TAF1L: variants seen among roughly 807,000 people sequenced by gnomAD.
TAF1L encodes the protein TATA-box binding protein associated factor 1 like.
TAF1L carries 30 observed loss-of-function variants against 128.8 expected under a neutral mutation model. The ratio of observed to expected loss-of-function variants is 0.23; its 90% CI spans 0.17 to 0.32. TAF1L has a LOEUF of 0.32. Among genes scored for constraint, TAF1L ranks in the 10% least tolerant of loss-of-function variants. The pLI is 1.00. For synonymous variants in TAF1L, 764 were observed against 790.7 expected (o/e 0.97, Z 0.57); for missense variants, 2,099 against 2,253.7 (o/e 0.93, Z 1.39).
chr9:32,635,002 G>A lies in TAF1L; in HGVS notation c.578C>T (p.Ser193Phe). The change falls in exon 1 of 1, where the codon TCC becomes TTC. Residue 193 changes from serine (S) to phenylalanine (F), a missense_variant. Transcript: ENST00000242310. ...ATCCACTTTCTCTGAGGCCAAAAAGGAAGGGGCAATGATGGAGGGCAAGAT... is the reference window on the plus strand; with the variant it reads ...ATCCACTTTCTCTGAGGCCAAAAAGAAAGGGGCAATGATGGAGGGCAAGAT... ...DIILPSIIAP[S>F]FLASEKVDFS... is the part of the protein sequence containing the mutation. 1.2e-6 allele frequency: 2 copies of A among 1,614,066 alleles called. No individual in the cohort carries two copies. Among genetic ancestry groups the A allele is most frequent in the Non-Finnish European group, 1.7e-6 (2 of 1,180,026 alleles).
rs774087341 is a variant in TAF1L at position 32,633,906 on chromosome 9, T to C, written c.1674A>G (p.Arg558=). 5.0e-6 allele frequency: 8 copies of C among 1,614,180 alleles called. No individual in the cohort carries two copies. The South Asian group carries it at 8.8e-5, about 18-fold the overall frequency. Residue 558 remains arginine (R), a synonymous_variant, in exon 1 of 1, where the codon CGA becomes CGG. Coordinates refer to ENST00000242310, the MANE Select transcript of TAF1L (RefSeq NM_153809.2). Reference sequence around the variant, plus strand: ...TGACACCTGTTTTGCCCAAGAGAATTCGACTCTTCTTCAGAGATGATTCCT... The same window carrying C: ...TGACACCTGTTTTGCCCAAGAGAATCCGACTCTTCTTCAGAGATGATTCCT... The part of the protein sequence containing the change: ...SKKESSLKKS[R]ILLGKTGVIR...
chr9:32,633,692 T>C lies in TAF1L; in HGVS notation c.1888A>G (p.Lys630Glu). The C allele has an allele frequency of 6.2e-7, 1 of 1,614,216 alleles. No homozygotes were observed. ...PFFPTHMGPIKIRQFHRPPLK... is the reference protein window; with the variant it reads ...PFFPTHMGPIEIRQFHRPPLK... ...GGTGGGCGATGGAACTGCCGGATTT[T>C]GATGGGCCCCATGTGGGTGGGAAAG... Residue 630 changes from lysine (K) to glutamate (E), a missense_variant, in exon 1 of 1, where the codon AAA (lysine) becomes GAA (glutamate). Transcript: ENST00000242310.
At position 32,629,617 on chromosome 9, in the gene TAF1L, TCCAG is replaced by T. The variant is rs539935108; in HGVS notation, c.*478_*481del. On this transcript the variant is annotated 3_prime_UTR_variant, in exon 1 of 1. Transcript: ENST00000242310. ...TCCCAGCAGGAGGGCTCTCATCTGT[TCCAG>T]CCTGTAAATTAGAAAAGTGAGATGA... is the stretch of plus-strand genomic sequence containing the variant. The T allele has an allele frequency of 4.1e-4, 87 of 211,788 alleles. 1 individual carries two copies. In the South Asian group the frequency reaches 7.1e-3, roughly 17 times the overall value. The allele number at this position is 211,788 out of a possible 1,614,324, so 13.1% of individuals were successfully genotyped here.
rs1455841353 is a variant in TAF1L, at chr9:32,632,928, C to T, written c.2652G>A (p.Lys884=). 5.0e-6 allele frequency: 8 copies of T among 1,614,122 alleles called. No homozygotes were observed. Among genetic ancestry groups the T allele is most frequent in the Admixed American group, 1.7e-5 (1 of 60,012 alleles). ...TGMDSNWWVL[K]SDFRLPTEEE... ...CTTCCGTTGGTAAACGAAAATCAGA[C>T]TTAAGCACCCACCAGTTTGAATCCA... Residue 884 remains lysine, a synonymous_variant, in exon 1 of 1, where the codon AAG becomes AAA. Transcript: ENST00000242310. This position sits in a 1 kb window ranked among gnomAD's most constrained non-coding sequence, Gnocchi z 4.4.
chr9:32,631,990 T>A lies in TAF1L; in HGVS notation c.3590A>T (p.Glu1197Val), dbSNP rs771914740. The change falls in exon 1 of 1, where the codon GAG becomes GTG. Residue 1197 changes from glutamate to valine, a missense_variant. By Grantham distance (121) the Glu-to-Val change is moderately radical (BLOSUM62 -2). Coordinates refer to ENST00000242310, the MANE Select transcript of TAF1L (RefSeq NM_153809.2). The surrounding 1 kb of genome is among the most constrained non-coding windows in gnomAD (Gnocchi z 4.1). ...TCGGACTGTCTCACAGCGAACATAC[T>A]CTTTCCCCTCTTCATCTCGAAATGT... ...YRTFRDEEGK[E>V]YVRCETVRKP... The A allele has an allele frequency of 5.0e-6, 8 of 1,614,114 alleles. No homozygotes were observed. The African/African-American group carries it at 1.1e-4, about 22-fold the overall frequency.
rs1564010644 is a variant in TAF1L, at chr9:32,630,435, G to A, written c.5145C>T (p.Asp1715=). ...CATACCCTTCAACATCCACATCAGA[G>A]TCTTCCTCACCCAGCCTACCTTGGC... ...CQGQGRLGEE[D]SDVDVEGYDD... is the part of the protein sequence containing the mutation. Residue 1715 remains aspartate, a synonymous_variant, in exon 1 of 1, where the codon GAC becomes GAT. Coordinates refer to ENST00000242310, the MANE Select transcript of TAF1L (RefSeq NM_153809.2). 5 of 1,614,146 alleles carry A rather than the reference G, an allele frequency of 3.1e-6. No homozygotes were observed. Among genetic ancestry groups the A allele is most frequent in the African/African-American group, 2.7e-5 (2 of 75,032 alleles).
chr9:32,634,945 A>G lies in TAF1L; in HGVS notation c.635T>C (p.Met212Thr). 1 of 1,614,166 alleles carries G rather than the reference A, an allele frequency of 6.2e-7. No individual in the cohort carries two copies. Among genetic ancestry groups the G allele is most frequent in the Non-Finnish European group, 8.5e-7 (1 of 1,180,030 alleles). ...TGCCTGTGTTGCTTCCTGAGGTCCC[A>G]TCTCAGATTCTGAATCAGAGTAACT... Reference protein sequence around the residue: ...FSSYSDSESEMGPQEATQAES... With the variant: ...FSSYSDSESETGPQEATQAES... The change falls in exon 1 of 1, where the codon ATG becomes ACG. Residue 212 changes from methionine (M) to threonine (T), a missense_variant. Physicochemically the swap from Met to Thr is moderately conservative, Grantham distance 81 (BLOSUM62 -1). This residue lies in a region of TAF1L where 473 missense variants were observed against 429.6 expected (regional missense o/e 1.10). Transcript: ENST00000242310.
At position 32,633,994 on chromosome 9, in the gene TAF1L, A is replaced by G; in HGVS notation, c.1586T>C (p.Ile529Thr). ...LALDPNDENL[I>T]LEIPDEKEEA... ...TTCCTTCTCATCAGGAATTTCCAAA[A>G]TGAGGTTCTCATCATTGGGATCAAG... Residue 529 changes from isoleucine (I) to threonine (T), a missense_variant, in exon 1 of 1, where the codon ATT (isoleucine) becomes ACT (threonine). Physicochemically the swap from Ile to Thr is moderately conservative, Grantham distance 89. Around this residue, in one of 4 missense-constraint regions of TAF1L, gnomAD observed 1,213 missense variants for 1,391.4 expected, o/e 0.87. Coordinates refer to ENST00000242310, the MANE Select transcript of TAF1L (RefSeq NM_153809.2). 6.2e-7 allele frequency: 1 copy of G among 1,614,142 alleles called. No homozygotes were observed.
chr9:32,630,225 A>G lies in TAF1L; in HGVS notation c.5355T>C (p.Pro1785=). Reference sequence around the variant, plus strand: ...TTTCACTCAGCTGGATAGCAGAGAAAGGATTGTCTCCTTCTTCGTCACTCC... The same window carrying G: ...TTTCACTCAGCTGGATAGCAGAGAAGGGATTGTCTCCTTCTTCGTCACTCC... ...DAGSDEEGDN[P]FSAIQLSESG... is the part of the protein sequence containing the mutation. The change falls in exon 1 of 1, where the codon CCT becomes CCC. Residue 1785 remains proline, a synonymous_variant. Transcript: ENST00000242310. 1 of 1,614,234 alleles carries G rather than the reference A, an allele frequency of 6.2e-7. No individual in the cohort carries two copies. Among genetic ancestry groups the G allele is most frequent in the East Asian group, 2.2e-5 (1 of 44,890 alleles).
At position 32,633,951 on chromosome 9, in the gene TAF1L, G is replaced by A. The variant is rs187932092; in HGVS notation, c.1629C>T (p.Ser543=). 6.2e-7 allele frequency: 1 copy of A among 1,614,120 alleles called. No individual in the cohort carries two copies. Among genetic ancestry groups the A allele is most frequent in the East Asian group, 2.2e-5 (1 of 44,882 alleles). The change falls in exon 1 of 1, where the codon TCC becomes TCT. Residue 543 remains serine, a synonymous_variant. Coordinates refer to ENST00000242310, the MANE Select transcript of TAF1L (RefSeq NM_153809.2). ...ATTCCTTCTTACTCTCCTTGGAGGG[G>A]GAGTTAGAGGTGGCCTCTTCCTTCT... ...PDEKEEATSN[S]PSKESKKESS...
chr9:32,635,418 T>C lies in TAF1L; in HGVS notation c.162A>G (p.Glu54=), dbSNP rs1198411944. ...TCTTACACTCATCATCCAAGACGCT[T>C]TCCCCCTCCAGCTGCCCCGCTCCAC... ...NISGAGQLEG[E]SVLDDECKKH... is the part of the protein sequence containing the mutation. Residue 54 remains glutamate, a synonymous_variant, in exon 1 of 1, where the codon GAA becomes GAG. Coordinates refer to ENST00000242310, the MANE Select transcript of TAF1L (RefSeq NM_153809.2). The C allele has an allele frequency of 1.2e-6, 2 of 1,614,062 alleles. No individual in the cohort carries two copies. Among genetic ancestry groups the C allele is most frequent in the Middle Eastern group, 1.6e-4 (1 of 6,062 alleles).
rs1822509265 is a variant in TAF1L at position 32,630,938 on chromosome 9, G to T, written c.4642C>A (p.His1548Asn). 6.2e-7 allele frequency: 1 copy of T among 1,614,214 alleles called. No individual in the cohort carries two copies. The highest frequency in any genetic ancestry group is 8.5e-7 in the Non-Finnish European group (1 of 1,180,044). The stretch of plus-strand genomic sequence containing the variant: ...ACAAACTTCTTATTAACTGGGTGAT[G>T]AAATGGCCAAGAATCTGGAACTGCC... ...MMAVPDSWPF[H>N]HPVNKKFVPD... Residue 1548 changes from histidine (H) to asparagine (N), a missense_variant, in exon 1 of 1, where the codon CAT (histidine) becomes AAT (asparagine). Physicochemically the swap from His to Asn is moderately conservative, Grantham distance 68. This residue lies in a region of TAF1L where 404 missense variants were observed against 406.5 expected (regional missense o/e 0.99). Transcript: ENST00000242310.
chr9:32,635,211 G>A lies in TAF1L; in HGVS notation c.369C>T (p.His123=). Residue 123 remains histidine (H), a synonymous_variant, in exon 1 of 1, where the codon CAC becomes CAT. Transcript: ENST00000242310. ...GCTGCAAGCTCCCCATCGTCTGCTG[G>A]TGTCTTTGGCTTTCATCTTCTGCCA... is the stretch of plus-strand genomic sequence containing the variant. The part of the protein sequence containing the change: ...NEVAEDESQR[H]QQTMGSLQPL... 1.9e-6 allele frequency: 3 copies of A among 1,614,102 alleles called. No homozygotes were observed. The highest frequency in any genetic ancestry group is 2.5e-6 in the Non-Finnish European group (3 of 1,180,020).
Position 32,634,170 on chromosome 9 carries a change from C to G in TAF1L, c.1410G>C (p.Gln470His). 1.2e-6 allele frequency: 2 copies of G among 1,614,132 alleles called. No homozygotes were observed. Among genetic ancestry groups the G allele is most frequent in the Non-Finnish European group, 1.7e-6 (2 of 1,180,034 alleles). ...KTRNVMAYNV[Q>H]QGFAPTLDDD... Reference sequence around the variant, plus strand: ...CATCCAGAGTGGGTGCAAAACCTTGCTGAACATTGTAAGCCATTACATTCC... The same window carrying G: ...CATCCAGAGTGGGTGCAAAACCTTGGTGAACATTGTAAGCCATTACATTCC... The change falls in exon 1 of 1, where the codon CAG becomes CAC. Residue 470 changes from glutamine (Q) to histidine (H), a missense_variant. Physicochemically the swap from Gln to His is conservative, Grantham distance 24 (BLOSUM62 0). Transcript: ENST00000242310.
Position 32,630,455 on chromosome 9 carries a change from C to T in TAF1L, c.5125G>A (p.Gly1709Ser). The change falls in exon 1 of 1, where the codon GGT (glycine) becomes AGT (serine). Residue 1709 changes from glycine to serine, a missense_variant. Physicochemically the swap from Gly to Ser is moderately conservative, Grantham distance 56. Coordinates refer to ENST00000242310, the MANE Select transcript of TAF1L (RefSeq NM_153809.2). ...TPEKQMCQGQ[G>S]RLGEEDSDVD... is the part of the protein sequence containing the mutation. ...TCAGAGTCTTCCTCACCCAGCCTAC[C>T]TTGGCCCTGGCACATCTGTTTTTCT... The T allele has an allele frequency of 6.2e-7, 1 of 1,614,174 alleles. No individual in the cohort carries two copies. Among genetic ancestry groups the T allele is most frequent in the Non-Finnish European group, 8.5e-7 (1 of 1,180,032 alleles).
At position 32,632,996 on chromosome 9, in the gene TAF1L, G is replaced by A. The variant is rs552579987; in HGVS notation, c.2584C>T (p.Arg862Trp). ...AFPSHSESSI[R>W]KRLKLCADFK... ...TCAGCGCAGAGCTTTAGCCTCTTCCGGATGCTGCTTTCTGAATGGGAAGGA... is the reference window on the plus strand; with the variant it reads ...TCAGCGCAGAGCTTTAGCCTCTTCCAGATGCTGCTTTCTGAATGGGAAGGA... Residue 862 changes from arginine to tryptophan, a missense_variant, in exon 1 of 1, where the codon CGG becomes TGG. By Grantham distance (101) the Arg-to-Trp change is moderately radical. This residue lies in a region of TAF1L where 1,213 missense variants were observed against 1,391.4 expected (regional missense o/e 0.87). Coordinates refer to ENST00000242310, the MANE Select transcript of TAF1L (RefSeq NM_153809.2). The surrounding 1 kb of genome is among the most constrained non-coding windows in gnomAD (Gnocchi z 4.4). The A allele has an allele frequency of 2.7e-5, 44 of 1,614,108 alleles. No homozygotes were observed. The highest frequency in any genetic ancestry group is 4.0e-5 in the African/African-American group (3 of 75,020).
In TAF1L at chr9:32,634,296, A is replaced by G. The variant is rs777029600; in HGVS notation, c.1284T>C (p.His428=). 5.0e-6 allele frequency: 8 copies of G among 1,614,056 alleles called. No individual in the cohort carries two copies. The highest frequency in any genetic ancestry group is 4.0e-5 in the African/African-American group (3 of 74,924). Residue 428 remains histidine, a synonymous_variant, in exon 1 of 1, where the codon CAT becomes CAC. Coordinates refer to ENST00000242310, the MANE Select transcript of TAF1L (RefSeq NM_153809.2). The part of the protein sequence containing the change: ...DENFLMVTQL[H]WEDSIIWDGE... ...CATCCCAGATGATAGAATCCTCCCA[A>G]TGCAGCTGTGTCACCATCAGGAAGT...
Position 32,631,395 on chromosome 9 carries a change from T to C in TAF1L, c.4185A>G (p.Arg1395=). The change falls in exon 1 of 1, where the codon CGA becomes CGG. Residue 1395 remains arginine, a synonymous_variant. Transcript: ENST00000242310. This position sits in a 1 kb window ranked among gnomAD's most constrained non-coding sequence, Gnocchi z 4.1. ...GCGTCACCATAGGGTCTGTGCGGCG[T>C]CGGTGGATGGACTTATGAGGTATAT... The part of the protein sequence containing the change: ...YLNIPHKSIH[R]RRTDPMVTLS... 6.2e-7 allele frequency: 1 copy of C among 1,614,180 alleles called. No individual in the cohort carries two copies. Among genetic ancestry groups the C allele is most frequent in the South Asian group, 1.1e-5 (1 of 91,082 alleles).
Position 32,630,976 on chromosome 9 carries a change from G to T in TAF1L, c.4604C>A (p.Thr1535Asn). 6.2e-7 allele frequency: 1 copy of T among 1,614,168 alleles called. No homozygotes were observed. Among genetic ancestry groups the T allele is most frequent in the Non-Finnish European group, 8.5e-7 (1 of 1,180,040 alleles). The change falls in exon 1 of 1, where the codon ACC becomes AAC. Residue 1535 changes from threonine to asparagine, a missense_variant. By Grantham distance (65) the Thr-to-Asn change is moderately conservative. Transcript: ENST00000242310. ...AFSFILDNIVTQKMMAVPDSW... is the reference protein window; with the variant it reads ...AFSFILDNIVNQKMMAVPDSW... Reference sequence around the variant, plus strand: ...ATCTGGAACTGCCATCATTTTCTGGGTGACAATGTTGTCCAGAATGAAAGA... The same window carrying T: ...ATCTGGAACTGCCATCATTTTCTGGTTGACAATGTTGTCCAGAATGAAAGA...
Sources: allele counts gnomAD v4.1 joint callset, GRCh38; gene constraint gnomAD v4.1.1; regional missense constraint gnomAD v4.1.1; non-coding constraint Gnocchi (gnomAD v3.1); transcripts MANE v1.5; gene names NCBI Gene and HGNC (gene_info 2026-07-23, HGNC 2026-07-21).